B4GALNT4: variants seen among roughly 807,000 people sequenced by gnomAD.
B4GALNT4 encodes the protein beta-1,4-N-acetyl-galactosaminyltransferase 4.
A neutral mutation model predicts 110.0 loss-of-function variants in B4GALNT4; 77 were observed. The observed-to-expected ratio is 0.70, with a 90% CI of 0.58 to 0.85. The LOEUF is 0.85. B4GALNT4 is among the 40% of genes least tolerant of loss of function. B4GALNT4 has a pLI of 0.00. For missense variants in B4GALNT4, 1,575 were observed against 1,506.0 expected (o/e 1.05, Z -0.76); for synonymous variants, 785 against 655.5 (o/e 1.20, Z -3.02).
chr11:372,936 C>A lies in B4GALNT4; in HGVS notation c.433C>A (p.Leu145Met). The change falls in exon 4 of 20, where the codon CTG becomes ATG. Residue 145 changes from leucine (L) to methionine (M), a missense_variant. Leu to Met is a conservative substitution (Grantham distance 15). Transcript: ENST00000329962. Reference protein sequence around the residue: ...GHLRRNLHFPLFPHTRTTVKK... With the variant: ...GHLRRNLHFPMFPHTRTTVKK... Reference sequence around the variant, plus strand: ...CCTGAGGAGGAACCTGCACTTCCCGCTGTTCCCTCATGTGAGTGCCGGGGT... The same window carrying A: ...CCTGAGGAGGAACCTGCACTTCCCGATGTTCCCTCATGTGAGTGCCGGGGT... 1 of 1,558,218 alleles carries A rather than the reference C, an allele frequency of 6.4e-7. No individual in the cohort carries two copies. Among genetic ancestry groups the A allele is most frequent in the Non-Finnish European group, 8.7e-7 (1 of 1,147,600 alleles).
chr11:376,854 C>T lies in B4GALNT4; in HGVS notation c.1731C>T (p.Arg577=), dbSNP rs576853236. 7 of 1,325,818 alleles carry T rather than the reference C, an allele frequency of 5.3e-6. No individual in the cohort carries two copies. Among genetic ancestry groups the T allele is most frequent in the Non-Finnish European group, 5.8e-6 (6 of 1,039,640 alleles). The allele number at this position is 1,325,818 out of a possible 1,614,324, so 82.1% of individuals were successfully genotyped here. The change falls in exon 14 of 20, where the codon CGC becomes CGT. Residue 577 remains arginine (R), a synonymous_variant. Coordinates refer to ENST00000329962, the MANE Select transcript of B4GALNT4 (RefSeq NM_178537.5). ...APPRPPRPHG[R]RTGGPQATQP... is the part of the protein sequence containing the mutation. ...CACGCCCACCCCGGCCCCACGGCCG[C>T]AGGACCGGCGGCCCCCAGGCCACAC...
At position 373,075 on chromosome 11, in the gene B4GALNT4, A is replaced by G; in HGVS notation, c.494A>G (p.Tyr165Cys). The G allele has an allele frequency of 6.2e-7, 1 of 1,612,044 alleles. No homozygotes were observed. The highest frequency in any genetic ancestry group is 8.5e-7 in the Non-Finnish European group (1 of 1,179,806). Residue 165 changes from tyrosine to cysteine, a missense_variant, in exon 5 of 20, where the codon TAT becomes TGT. Transcript: ENST00000329962. ...GCCGTGTCCCCCAAGTGGAAGAACT[A>G]TGGACTCCGTATTTTTGGTTTCATC... The part of the protein sequence containing the change: ...KLAVSPKWKN[Y>C]GLRIFGFIHP...
At position 381,671 on chromosome 11, in the gene B4GALNT4, T is replaced by C; in HGVS notation, c.2999T>C (p.Val1000Ala). The change falls in exon 20 of 20, where the codon GTC becomes GCC. Residue 1000 changes from valine (V) to alanine (A), a missense_variant and splice_region_variant. Transcript: ENST00000329962. ...CACCTCTCTGCCCCCGGCCCCAGGGTCCTGCAGGCAGGGCTGGAGGTGGAG... is the reference window on the plus strand; with the variant it reads ...CACCTCTCTGCCCCCGGCCCCAGGGCCCTGCAGGCAGGGCTGGAGGTGGAG... ...GGEDWELLDRVLQAGLEVERL... is the reference protein window; with the variant it reads ...GGEDWELLDRALQAGLEVERL... 6.3e-7 allele frequency: 1 copy of C among 1,590,876 alleles called. No individual in the cohort carries two copies. The highest frequency in any genetic ancestry group is 8.5e-7 in the Non-Finnish European group (1 of 1,169,860).
chr11:380,321 C>T lies in B4GALNT4; in HGVS notation c.2745C>T (p.Asp915=). The T allele has an allele frequency of 6.2e-7, 1 of 1,613,316 alleles. No homozygotes were observed. ...CCAGCAGCATCGTGTTCCTCTGCGA[C>T]CTGCACATCCACTTCCCACCCAACA... The part of the protein sequence containing the change: ...EDASSIVFLC[D]LHIHFPPNIL... The change falls in exon 18 of 20, where the codon GAC becomes GAT. Residue 915 remains aspartate, a synonymous_variant. Coordinates refer to ENST00000329962, the MANE Select transcript of B4GALNT4 (RefSeq NM_178537.5).
In B4GALNT4 at chr11:369,534, C is replaced by A. The variant is rs1283814370; in HGVS notation, c.-270C>A. ...GGCAGCCGTGGATGCTGTTCGGTCC[C>A]GCCGCCGCCCCAGGAGCGCGGAGCC... On this transcript the variant is annotated 5_prime_UTR_variant, in exon 1 of 20. Coordinates refer to ENST00000329962, the MANE Select transcript of B4GALNT4 (RefSeq NM_178537.5). 7.0e-6 allele frequency among the ~76,000 whole-genome samples: 1 copy of A among 143,324 alleles called. No homozygotes were observed. Among genetic ancestry groups the A allele is most frequent in the Non-Finnish European group, 1.5e-5 (1 of 64,946 alleles). 94.0% of individuals were successfully genotyped at this position (143,324 alleles called of 152,430 possible).
Position 376,683 on chromosome 11 carries a change from G to A in B4GALNT4, c.1560G>A (p.Gln520=). ...RAPPPRPAVE[Q]PPPKVYVTRV... is the part of the protein sequence containing the mutation. ...CGCCCCCGCGCCCTGCAGTGGAGCA[G>A]CCGCCCCCAAAGGTGTACGTGACCA... The change falls in exon 14 of 20, where the codon CAG becomes CAA. Residue 520 remains glutamine, a synonymous_variant. Coordinates refer to ENST00000329962, the MANE Select transcript of B4GALNT4 (RefSeq NM_178537.5). 7.0e-7 allele frequency: 1 copy of A among 1,427,898 alleles called. No individual in the cohort carries two copies. Among genetic ancestry groups the A allele is most frequent in the Non-Finnish European group, 9.1e-7 (1 of 1,095,250 alleles). 88.5% of individuals were successfully genotyped at this position (1,427,898 alleles called of 1,614,324 possible).
rs776596670 is a variant in B4GALNT4 at position 373,303 on chromosome 11, C to T, written c.636+12C>T. 1 of 1,605,584 alleles carries T rather than the reference C, an allele frequency of 6.2e-7. No homozygotes were observed. The highest frequency in any genetic ancestry group is 8.5e-7 in the Non-Finnish European group (1 of 1,175,106). ...CCTTTGTGGGCAAGGTACCCCCACC[C>T]CAGCCCTGGTGTCGTCCCGGGCCTC... On this transcript the variant is annotated intron_variant, in intron 6 of 19. Coordinates refer to ENST00000329962, the MANE Select transcript of B4GALNT4 (RefSeq NM_178537.5).
In B4GALNT4 at chr11:380,397, C is replaced by A. The variant is rs1846850071; in HGVS notation, c.2821C>A (p.Pro941Thr). 6.2e-7 allele frequency: 1 copy of A among 1,612,776 alleles called. No individual in the cohort carries two copies. Among genetic ancestry groups the A allele is most frequent in the Non-Finnish European group, 8.5e-7 (1 of 1,179,652 alleles). ...HCVEGRLAFA[P>T]VVMRLSCGSS... Reference sequence around the variant, plus strand: ...CGTGGAGGGCAGGCTGGCCTTCGCGCCCGTGGTCATGCGCCTGAGCTGCGG... The same window carrying A: ...CGTGGAGGGCAGGCTGGCCTTCGCGACCGTGGTCATGCGCCTGAGCTGCGG... Residue 941 changes from proline to threonine, a missense_variant, in exon 18 of 20, where the codon CCC becomes ACC. By Grantham distance (38) the Pro-to-Thr change is conservative. Coordinates refer to ENST00000329962, the MANE Select transcript of B4GALNT4 (RefSeq NM_178537.5).
intron 8 of B4GALNT4, 42 bp downstream of exon 8, chr11:373,870 C>A: frequency 1.0e-5 from 16 of 1,574,714 alleles, no homozygotes; most frequent in Non-Finnish European, 1.4e-5. Context: ...AGACTCCACT[C>A]CCCCCACCTC....
chr11:373,846 CT>C lies in B4GALNT4; in HGVS notation c.783+19del. On this transcript the variant is annotated intron_variant, in intron 8 of 19. Coordinates refer to ENST00000329962, the MANE Select transcript of B4GALNT4 (RefSeq NM_178537.5). ...AAGTGGGCGTGAGTGCCTTCCTCCCCTGGGGGCTTCTGGAGACTCCACTCCC... is the reference window on the plus strand; with the variant it reads ...AAGTGGGCGTGAGTGCCTTCCTCCCCGGGGGCTTCTGGAGACTCCACTCCC... 6.2e-7 allele frequency: 1 copy of C among 1,609,906 alleles called. No homozygotes were observed. The highest frequency in any genetic ancestry group is 1.3e-5 in the African/African-American group (1 of 74,998).
rs1367460258 is a variant in B4GALNT4, at chr11:376,832, G to A, written c.1709G>A (p.Arg570His). 2 of 1,327,870 alleles carry A rather than the reference G, an allele frequency of 1.5e-6. No individual in the cohort carries two copies. Among genetic ancestry groups the A allele is most frequent in the Non-Finnish European group, 9.6e-7 (1 of 1,039,090 alleles). 82.3% of individuals were successfully genotyped at this position (1,327,870 alleles called of 1,614,324 possible). A position where few individuals can be genotyped will look rare whatever the true frequency, so the allele number is the denominator to read the frequency against. Residue 570 changes from arginine (R) to histidine (H), a missense_variant, in exon 14 of 20, where the codon CGC becomes CAC. Coordinates refer to ENST00000329962, the MANE Select transcript of B4GALNT4 (RefSeq NM_178537.5). ...LPRVQLRAPPRPPRPHGRRTG... is the reference protein window; with the variant it reads ...LPRVQLRAPPHPPRPHGRRTG... ...AGAGTGCAGCTGCGGGCGCCCCCAC[G>A]CCCACCCCGGCCCCACGGCCGCAGG...
chr11:379,227 C>T (rs964665450), intron 14 of B4GALNT4, among the ~76,000 whole-genome samples, 191 bp from the exon 15 acceptor site: 2 of 152,210 alleles, frequency 1.3e-5, no homozygotes, highest in African/African-American at 2.4e-5. Context: ...AGTCCTGCCC[C>T]GACCCTGGAG....
chr11:376,504 T>A lies in B4GALNT4; in HGVS notation c.1381T>A (p.Ser461Thr). Residue 461 changes from serine to threonine, a missense_variant, in exon 14 of 20, where the codon TCC becomes ACC. By Grantham distance (58) the Ser-to-Thr change is moderately conservative. Coordinates refer to ENST00000329962, the MANE Select transcript of B4GALNT4 (RefSeq NM_178537.5). ...GGCCCCGCCCAGGAGCGGCCCCCAG[T>A]CCCCCGCCCCAGCAGCCCCCGCCCA... is the stretch of plus-strand genomic sequence containing the variant. ...EAAPPRSGPQ[S>T]PAPAAPAQPG... is the part of the protein sequence containing the mutation. 1 of 1,523,020 alleles carries A rather than the reference T, an allele frequency of 6.6e-7. No individual in the cohort carries two copies. Among genetic ancestry groups the A allele is most frequent in the Non-Finnish European group, 8.7e-7 (1 of 1,143,030 alleles). 94.3% of individuals were successfully genotyped at this position (1,523,020 alleles called of 1,614,324 possible).
In B4GALNT4 at chr11:375,780, G is replaced by A. The variant is rs200374914; in HGVS notation, c.985+7G>A. Reference sequence around the variant, plus strand: ...AGGGATACCTTTTTCCTCAGTGAGAGGGGGCCCGCGCGGGGGCGAGGGCGG... The same window carrying A: ...AGGGATACCTTTTTCCTCAGTGAGAAGGGGCCCGCGCGGGGGCGAGGGCGG... On this transcript the variant is annotated splice_region_variant and intron_variant, in intron 10 of 19. Coordinates refer to ENST00000329962, the MANE Select transcript of B4GALNT4 (RefSeq NM_178537.5). 600 of 1,600,306 alleles carry A rather than the reference G, an allele frequency of 3.7e-4. No homozygotes were observed. The African/African-American group carries it at 7.2e-3, about 19-fold the overall frequency.
chr11:373,324 G>T, intron 6 of B4GALNT4, 33 bp downstream of exon 6: 1 of 1,592,962 alleles, frequency 6.3e-7, no homozygotes, highest in Non-Finnish European at 8.6e-7. Flanking sequence ...GTCGTCCCGG[G>T]CCTCCTGCAG....
chr11:373,705 T>G (rs747982621), intron 7 of B4GALNT4, 45 bp from the exon 8 acceptor site: 2 of 1,597,838 alleles, frequency 1.3e-6, no homozygotes, highest in Non-Finnish European at 1.7e-6. Context: ...CTCCACTATT[T>G]GAGCGTCCTG....
At chr11:370,123 C>G (rs1243628615) in intron 1 of B4GALNT4, among the ~76,000 whole-genome samples, 169 bp downstream of exon 1, 1 of 150,302 alleles carries the variant, frequency 6.7e-6, no homozygotes, top group Non-Finnish European at 1.5e-5. Flanking sequence ...TCCCGGAGAC[C>G]CCGCCCGCTG....
chr11:369,922 G>A lies in B4GALNT4; in HGVS notation c.119G>A (p.Arg40His), dbSNP rs1380130946. The change falls in exon 1 of 20, where the codon CGC (arginine) becomes CAC (histidine). Residue 40 changes from arginine to histidine, a missense_variant. Transcript: ENST00000329962. ...CACCTGGGCCTGGTGCGCCAGGGACGCGCGCTGCGCCAGCGCCTGGGCTAC... is the reference window on the plus strand; with the variant it reads ...CACCTGGGCCTGGTGCGCCAGGGACACGCGCTGCGCCAGCGCCTGGGCTAC... ...YVHLGLVRQG[R>H]ALRQRLGYGR... 6 of 980,606 alleles carry A rather than the reference G, an allele frequency of 6.1e-6. No homozygotes were observed. In the African/African-American group the frequency reaches 8.9e-5, roughly 15 times the overall value. 60.7% of individuals were successfully genotyped at this position (980,606 alleles called of 1,614,324 possible).
chr11:373,441 C>G lies in B4GALNT4; in HGVS notation c.637-8C>G. 2 of 1,568,590 alleles carry G rather than the reference C, an allele frequency of 1.3e-6. No individual in the cohort carries two copies. The highest frequency in any genetic ancestry group is 8.7e-7 in the Non-Finnish European group (1 of 1,147,944). On this transcript the variant is annotated splice_region_variant and splice_polypyrimidine_tract_variant and intron_variant, in intron 6 of 19. Coordinates refer to ENST00000329962, the MANE Select transcript of B4GALNT4 (RefSeq NM_178537.5). ...CCCCACCACCACCCCTGCTCTATCACCCCCCAGACTGGCTCCGAGTGGACA... is the reference window on the plus strand; with the variant it reads ...CCCCACCACCACCCCTGCTCTATCAGCCCCCAGACTGGCTCCGAGTGGACA...
Sources: allele counts gnomAD v4.1 joint callset (sites outside exome capture counted in the v4.1 genomes callset), GRCh38; gene constraint gnomAD v4.1.1; transcripts MANE v1.5; gene names NCBI Gene and HGNC (gene_info 2026-07-23, HGNC 2026-07-21).